Variants in TBCEL observed in about 807,000 individuals in gnomAD.
TBCEL encodes the protein tubulin folding cofactor E like, also known as tubulin-specific chaperone cofactor E-like protein.
Under a neutral mutation model 44.2 loss-of-function variants are expected in TBCEL, and 15 were observed. The observed-to-expected ratio is 0.34, with a 90% CI of 0.23 to 0.52. TBCEL has a LOEUF of 0.52. Among genes scored for constraint, TBCEL ranks in the 20% least tolerant of loss-of-function variants. The pLI is 0.95. For missense variants in TBCEL, 319 were observed against 506.3 expected (o/e 0.63, Z 3.55); for synonymous variants, 171 against 185.4 (o/e 0.92, Z 0.63).
chr11:121,053,300 C>T (rs148042206), intron 4 of TBCEL, among the ~76,000 whole-genome samples: 1,854 of 152,012 alleles, frequency 0.012, 38 homozygotes, highest in African/African-American at 0.043. Flanking sequence ...CATAGGAAAT[C>T]TTCCTTTTTA....
chr11:121,031,752 C>G (rs1945149989), intron 1 of TBCEL, among the ~76,000 whole-genome samples: 2 of 149,268 alleles, frequency 1.3e-5, no homozygotes, highest in Admixed American at 1.3e-4. Context: ...GCAACCTTCA[C>G]CTCCTGGGCC....
At chr11:121,068,588 A>G (rs879635457) in intron 8 of TBCEL, among the ~76,000 whole-genome samples, 5 of 152,020 alleles carry the variant, frequency 3.3e-5, no homozygotes, top group Admixed American at 2.6e-4. Flanking sequence ...GTTGATTTTT[A>G]AAAAAACAAC....
intron 1 of TBCEL, among the ~76,000 whole-genome samples, chr11:121,031,649 TTC>T: frequency 6.6e-6 from 1 of 150,892 alleles, no homozygotes; most frequent in East Asian, 1.9e-4. Flanking sequence ...TTGAAAGTAT[TTC>T]TTTTTTCTTT....
intron 8 of TBCEL, among the ~76,000 whole-genome samples, chr11:121,066,515 C>T (rs1945823957): frequency 6.6e-6 from 1 of 152,170 alleles, no homozygotes; most frequent in South Asian, 2.1e-4. Flanking sequence ...ACTATAGTAC[C>T]TGTTCCTTAG....
chr11:121,071,705 G>T (rs544101083), intron 8 of TBCEL, among the ~76,000 whole-genome samples: 20 of 152,246 alleles, frequency 1.3e-4, no homozygotes, highest in Admixed American at 4.6e-4. Flanking sequence ...TGGAGAGTAT[G>T]TTTTTCCCTG....
chr11:121,043,156 G>C (rs1945364511), intron 2 of TBCEL, among the ~76,000 whole-genome samples: 1 of 151,754 alleles, frequency 6.6e-6, no homozygotes, highest in East Asian at 1.9e-4. Flanking sequence ...TATGTAGTCA[G>C]AACTGGGTGG....
At chr11:121,048,669 C>T (rs1179344174) in intron 4 of TBCEL, among the ~76,000 whole-genome samples, 1 of 151,866 alleles carries the variant, frequency 6.6e-6, no homozygotes, top group East Asian at 1.9e-4. Flanking sequence ...CACTGTCCTG[C>T]ATAAAGGCCT....
chr11:121,029,162 AC>A (rs1247403991), intron 1 of TBCEL, among the ~76,000 whole-genome samples: 3 of 151,940 alleles, frequency 2.0e-5, no homozygotes, highest in Admixed American at 2.0e-4. Context: ...CATGTGACTG[AC>A]CTCCTTAGTG....
intron 8 of TBCEL, among the ~76,000 whole-genome samples, chr11:121,082,418 TC>T (rs2135017994): frequency 6.6e-6 from 1 of 152,342 alleles, no homozygotes; most frequent in South Asian, 2.1e-4. Flanking sequence ...CTCTCTGACT[TC>T]CTCTTTTGCT....
chr11:121,069,501 T>TA (rs1945884900), intron 8 of TBCEL, among the ~76,000 whole-genome samples: 1 of 152,048 alleles, frequency 6.6e-6, no homozygotes, highest in Non-Finnish European at 1.5e-5. Context: ...TGAAAAGTAG[T>TA]AAGTGGGAGC....
chr11:121,057,267 C>G (rs1447702118), intron 6 of TBCEL, among the ~76,000 whole-genome samples: 1 of 151,704 alleles, frequency 6.6e-6, no homozygotes, highest in Non-Finnish European at 1.5e-5. Flanking sequence ...TAGGATGGGA[C>G]TATGTTGTTC....
At chr11:121,062,824 G>A (rs1945748763) in intron 8 of TBCEL, among the ~76,000 whole-genome samples, 1 of 152,152 alleles carries the variant, frequency 6.6e-6, no homozygotes, top group South Asian at 2.1e-4. Flanking sequence ...AACTCTTGTT[G>A]TGCTTCATAT....
At chr11:121,049,558 A>T (rs1945492037) in intron 4 of TBCEL, among the ~76,000 whole-genome samples, 1 of 151,782 alleles carries the variant, frequency 6.6e-6, no homozygotes, top group Admixed American at 6.6e-5. Context: ...TTCTATTTGT[A>T]TATATATTTA....
rs1026197737 is a variant in TBCEL, at chr11:121,088,140, A to G, written c.*1044A>G. On this transcript the variant is annotated 3_prime_UTR_variant, in exon 9 of 9. Transcript: ENST00000683345. ...TGGGGGAAGAGCTTATGACTTTCCC[A>G]CCTGTGTCATCCATTGGAAGCCCTT... The G allele has an allele frequency of 2.0e-5, 3 of 152,168 alleles. No homozygotes were observed. Among genetic ancestry groups the G allele is most frequent in the African/African-American group, 7.2e-5 (3 of 41,442 alleles). 9.4% of individuals were successfully genotyped at this position (152,168 alleles called of 1,614,324 possible). A position where few individuals can be genotyped will look rare whatever the true frequency, so the allele number is the denominator to read the frequency against.
At position 121,045,806 on chromosome 11, in the gene TBCEL, A is replaced by G; in HGVS notation, c.116A>G (p.Gln39Arg). 1.3e-6 allele frequency: 2 copies of G among 1,598,054 alleles called. No homozygotes were observed. Among genetic ancestry groups the G allele is most frequent in the Non-Finnish European group, 1.7e-6 (2 of 1,175,562 alleles). ...GGAGTCCATGTCCCAGCCACACCTCAGGGCTCTCCTATGAAAGGTAAGAAA... is the reference window on the plus strand; with the variant it reads ...GGAGTCCATGTCCCAGCCACACCTCGGGGCTCTCCTATGAAAGGTAAGAAA... ...GMGVHVPATP[Q>R]GSPMKDRLNL... is the part of the protein sequence containing the mutation. The change falls in exon 3 of 9, where the codon CAG becomes CGG. Residue 39 changes from glutamine (Q) to arginine (R), a missense_variant. Gln to Arg is a conservative substitution (Grantham distance 43). Coordinates refer to ENST00000683345, the MANE Select transcript of TBCEL (RefSeq NM_001363644.2).
At chr11:121,063,019 GCAGTTAATAGAAGTGAA>G (rs557379396) in intron 8 of TBCEL, among the ~76,000 whole-genome samples, 154 of 152,162 alleles carry the variant, frequency 1.0e-3, no homozygotes, top group Admixed American at 2.7e-3. Context: ...TGTTGTTGGT[GCAGTTAATAGAAGTGAA>G]CAAAGTTCCT....
intron 8 of TBCEL, among the ~76,000 whole-genome samples, chr11:121,076,937 A>G (rs1249640095): frequency 1.3e-5 from 2 of 152,038 alleles, no homozygotes; most frequent in East Asian, 1.9e-4. Context: ...TACTTGATGT[A>G]TCAATATAGT....
chr11:121,062,514 A>G (rs1003082260), intron 8 of TBCEL, among the ~76,000 whole-genome samples: 1 of 152,136 alleles, frequency 6.6e-6, no homozygotes, highest in Non-Finnish European at 1.5e-5. Context: ...TCACAGCTGC[A>G]TTGTAATCTT....
chr11:121,045,859 G>C, intron 3 of TBCEL, 36 bp downstream of exon 3: 1 of 1,514,984 alleles, frequency 6.6e-7, no homozygotes, highest in Non-Finnish European at 8.8e-7. Context: ...TTATTTAGTG[G>C]AGCTTACTTA....
Sources: gnomAD v4.1 joint callset for allele counts (sites outside exome capture counted in the v4.1 genomes callset) on GRCh38, gnomAD v4.1.1 for gene constraint, MANE v1.5 for transcripts, NCBI Gene and HGNC (gene_info 2026-07-23, HGNC 2026-07-21) for gene names.